ARID5B: variants seen among roughly 807,000 people sequenced by gnomAD.
ARID5B encodes the protein AT-rich interactive domain-containing protein 5B.
In ARID5B, 13 loss-of-function variants were observed where a neutral mutation model predicts 97.2. The ratio of observed to expected loss-of-function variants is 0.13; its 90% CI spans 0.09 to 0.21. The LOEUF (loss-of-function observed/expected upper bound fraction) is 0.21, where lower values mean the gene tolerates loss of function less well. ARID5B is among the 10% of genes least tolerant of loss of function. The pLI is 1.00. For synonymous variants in ARID5B, 556 were observed against 570.3 expected (o/e 0.97, Z 0.36); for missense variants, 1,210 against 1,465.3 (o/e 0.83, Z 2.84).
intron 3 of ARID5B, among the ~76,000 whole-genome samples, chr10:61,963,093 G>C (rs1041737264): frequency 1.2e-4 from 19 of 152,154 alleles, no homozygotes; most frequent in African/African-American, 4.6e-4. Context: ...GGGCCAATGA[G>C]AGTGTCCGAC....
At chr10:62,069,205 A>T (rs1320602985) in intron 7 of ARID5B, among the ~76,000 whole-genome samples, 1 of 152,236 alleles carries the variant, frequency 6.6e-6, no homozygotes, top group Non-Finnish European at 1.5e-5. Context: ...TTGGCAACAC[A>T]TCTCATGGAT....
chr10:62,087,276 G>A (rs145351976), intron 9 of ARID5B, among the ~76,000 whole-genome samples: 4,490 of 105,966 alleles, frequency 0.042, 423 homozygotes, highest in Admixed American at 0.27. Context: ...TCCAGCCTGG[G>A]TGACAGAGAG....
chr10:62,072,704 C>T (rs1367960586), intron 8 of ARID5B, among the ~76,000 whole-genome samples: 2 of 152,236 alleles, frequency 1.3e-5, no homozygotes, highest in African/African-American at 4.8e-5. Context: ...TGATCAGATG[C>T]AACCGCTAAC....
chr10:61,935,587 T>C (rs7917482), intron 2 of ARID5B, among the ~76,000 whole-genome samples: 1 of 152,058 alleles, frequency 6.6e-6, no homozygotes, highest in Non-Finnish European at 1.5e-5. Context: ...GGGTGACTAC[T>C]AAGAATTAAT....
chr10:61,996,934 C>A (rs1028362577), intron 3 of ARID5B, among the ~76,000 whole-genome samples: 3 of 151,140 alleles, frequency 2.0e-5, no homozygotes, highest in Non-Finnish European at 4.4e-5. Flanking sequence ...AAACTAACAA[C>A]CTTACTTTAA....
chr10:62,066,250 G>A (rs1449183417), intron 7 of ARID5B, among the ~76,000 whole-genome samples: 1 of 152,134 alleles, frequency 6.6e-6, no homozygotes, highest in Non-Finnish European at 1.5e-5. Context: ...CATGTGTTTG[G>A]ACAATGGGAG....
chr10:62,065,522 T>A (rs1385178002), intron 7 of ARID5B, among the ~76,000 whole-genome samples: 2 of 152,008 alleles, frequency 1.3e-5, no homozygotes, highest in African/African-American at 2.4e-5. Flanking sequence ...GAAATAACTG[T>A]GTGGATGAAT....
intron 2 of ARID5B, among the ~76,000 whole-genome samples, chr10:61,908,521 G>C (rs1048774205): frequency 6.6e-6 from 1 of 152,006 alleles, no homozygotes; most frequent in African/African-American, 2.4e-5. Flanking sequence ...AAGGAGAATG[G>C]CCTCGGCCAG....
chr10:61,902,615 C>T (rs1427205405), intron 2 of ARID5B, among the ~76,000 whole-genome samples: 2 of 151,884 alleles, frequency 1.3e-5, no homozygotes, highest in East Asian at 1.9e-4. Flanking sequence ...CAAAGAGGAT[C>T]CAACTGCTGA....
intron 8 of ARID5B, among the ~76,000 whole-genome samples, chr10:62,084,167 G>A (rs977484173): frequency 1.6e-4 from 25 of 152,236 alleles, no homozygotes; most frequent in Admixed American, 7.8e-4. Flanking sequence ...TATTATTCAC[G>A]CCTCCTTGCT....
intron 2 of ARID5B, among the ~76,000 whole-genome samples, chr10:61,936,718 TAAC>T (rs1338752038): frequency 5.3e-5 from 8 of 151,370 alleles, no homozygotes; most frequent in Non-Finnish European, 1.0e-4. Context: ...AGAGAAGAAA[TAAC>T]AATGATCATG....
chr10:62,046,654 A>G (rs1839711868), intron 4 of ARID5B: 1 of 152,208 alleles, frequency 6.6e-6, no homozygotes, highest in Non-Finnish European at 1.5e-5. Flanking sequence ...GCACTGAGTA[A>G]GAGGAACAGA....
At chr10:61,965,161 T>C (rs1221813711) in intron 3 of ARID5B, among the ~76,000 whole-genome samples, 1 of 152,228 alleles carries the variant, frequency 6.6e-6, no homozygotes, top group African/African-American at 2.4e-5. Context: ...GGCTAATGAT[T>C]AGCTGTTACA....
chr10:62,029,263 T>G (rs538915302), intron 4 of ARID5B, among the ~76,000 whole-genome samples: 4 of 152,216 alleles, frequency 2.6e-5, no homozygotes, highest in Non-Finnish European at 5.9e-5. Context: ...GTTCCGGGTA[T>G]GCCATGCCTT....
chr10:62,096,207 A>G lies in ARID5B; in HGVS notation c.*3177A>G, dbSNP rs1840467758. The G allele has an allele frequency of 8.6e-6, 2 of 233,584 alleles. No individual in the cohort carries two copies. Among genetic ancestry groups the G allele is most frequent in the African/African-American group, 2.2e-5 (1 of 45,358 alleles). 14.5% of individuals were successfully genotyped at this position (233,584 alleles called of 1,614,324 possible). A position where few individuals can be genotyped will look rare whatever the true frequency, so the allele number is the denominator to read the frequency against. On this transcript the variant is annotated 3_prime_UTR_variant, in exon 10 of 10. Coordinates refer to ENST00000279873, the MANE Select transcript of ARID5B (RefSeq NM_032199.3). ...GAAGGGTTTGTTAAAACTCGATGTT[A>G]ACTTTACAACTTTCTGACCTGGTGC...
At chr10:61,950,665 C>T (rs1229107433) in intron 3 of ARID5B, among the ~76,000 whole-genome samples, 1 of 152,168 alleles carries the variant, frequency 6.6e-6, no homozygotes, top group African/African-American at 2.4e-5. Flanking sequence ...CACTGCATTC[C>T]AGCCTGGCCA....
At chr10:61,901,766 C>G (rs988252518) in intron 1 of ARID5B, 36 bp downstream of exon 1, 3 of 1,593,924 alleles carry the variant, frequency 1.9e-6, no homozygotes, top group South Asian at 2.2e-5. Flanking sequence ...GATCCCGGCA[C>G]CCCCCGGCAC....
intron 8 of ARID5B, among the ~76,000 whole-genome samples, chr10:62,080,539 A>G (rs2132969578): frequency 6.6e-6 from 1 of 152,332 alleles, no homozygotes; most frequent in African/African-American, 2.4e-5. Flanking sequence ...TGGAACTGTA[A>G]CAAGCATGTG....
chr10:61,979,120 GTACACA>G (rs1283843481), intron 3 of ARID5B, among the ~76,000 whole-genome samples: 1,599 of 152,312 alleles, frequency 0.01, 6 homozygotes, highest in Middle Eastern at 0.027. Context: ...GGAGACCCGA[GTACACA>G]TGGCCTGCCA....
Sources: gnomAD v4.1 joint callset for allele counts (sites outside exome capture counted in the v4.1 genomes callset) on GRCh38, gnomAD v4.1.1 for gene constraint, MANE v1.5 for transcripts, NCBI Gene and HGNC (gene_info 2026-07-23, HGNC 2026-07-21) for gene names.